The following AHDC1 variants were observed in gnomAD, a reference collection of about 807,000 sequenced individuals.
AHDC1 encodes the protein AT-hook DNA binding motif containing 1.
AHDC1 carries 7 observed loss-of-function variants against 87.9 expected under a neutral mutation model. The observed-to-expected ratio is 0.08, with a 90% CI of 0.05 to 0.15. AHDC1 has a LOEUF of 0.15. Among genes scored for constraint, AHDC1 ranks in the 10% least tolerant of loss-of-function variants. AHDC1 has a pLI of 1.00. For missense variants in AHDC1, 1,841 were observed against 2,253.2 expected, an observed-to-expected ratio of 0.82 and a Z score of 3.70; for synonymous variants, 1,051 against 1,006.8, an observed-to-expected ratio of 1.04 and a Z score of -0.83.
Position 27,549,153 on chromosome 1 carries a change from G to A in AHDC1, c.2963C>T (p.Thr988Ile). Residue 988 changes from threonine to isoleucine, a missense_variant, in exon 8 of 9, where the codon ACA becomes ATA. Transcript: ENST00000673934. ...QSVFAPTKPFTGQDCANSKDC... is the reference protein window; with the variant it reads ...QSVFAPTKPFIGQDCANSKDC... ...CTTGCTGTTAGCGCAGTCCTGGCCT[G>A]TAAAGGGCTTAGTTGGGGCGAATAC... is the stretch of plus-strand genomic sequence containing the variant. 2 of 1,564,748 alleles carry A rather than the reference G, an allele frequency of 1.3e-6. No homozygotes were observed. Among genetic ancestry groups the A allele is most frequent in the Non-Finnish European group, 1.7e-6 (2 of 1,153,550 alleles).
chr1:27,558,583 AAAG>A lies in AHDC1; in HGVS notation c.-450-56_-450-54del. The A allele has an allele frequency of 2.5e-6, 1 of 397,176 alleles. No homozygotes were observed. The highest frequency in any genetic ancestry group is 4.4e-6 in the Non-Finnish European group (1 of 225,746). 24.6% of individuals were successfully genotyped at this position (397,176 alleles called of 1,614,324 possible). ...TTGGGTTAATATGTTTTGATTCTGTAAAGAAGCTCTTTTTGACCTAAGCTGGGA... is the reference window on the plus strand; with the variant it reads ...TTGGGTTAATATGTTTTGATTCTGTAAAGCTCTTTTTGACCTAAGCTGGGA... On this transcript the variant is annotated intron_variant, in intron 4 of 8. Transcript: ENST00000673934. This position sits in a 1 kb window ranked among gnomAD's most constrained non-coding sequence, Gnocchi z 5.6.
intron 5 of AHDC1, among the ~76,000 whole-genome samples, chr1:27,555,204 G>C (rs1206606240): frequency 2.0e-5 from 3 of 152,204 alleles, no homozygotes; most frequent in Admixed American, 6.5e-5. Context: ...CCTAGTCCAG[G>C]GGAATGTGAC....
chr1:27,567,586 G>A (rs1452937080), intron 3 of AHDC1, among the ~76,000 whole-genome samples: 1 of 152,138 alleles, frequency 6.6e-6, no homozygotes, highest in Non-Finnish European at 1.5e-5. Flanking sequence ...TGCTGGCCCA[G>A]CATAATCCCT....
chr1:27,560,100 G>A lies in AHDC1; in HGVS notation c.-628-1217C>T, dbSNP rs561885233. Among the ~76,000 whole-genome samples, 23 of 152,292 alleles carry A rather than the reference G, an allele frequency of 1.5e-4. No homozygotes were observed. Among genetic ancestry groups the A allele is most frequent in the Non-Finnish European group, 5.9e-5 (4 of 68,020 alleles). ...AGTTGTGGCTGCTGTGGTCAGCTGT[G>A]TGTGTGTATGTGTGATGCCAGCTTA... On this transcript the variant is annotated intron_variant, in intron 3 of 8. Transcript: ENST00000673934. The surrounding 1 kb of genome is among the most constrained non-coding windows in gnomAD (Gnocchi z 4.1).
Position 27,547,969 on chromosome 1 carries a change from G to A in AHDC1, c.4147C>T (p.Leu1383=). The part of the protein sequence containing the change: ...PELDGKHFPP[L]AHPPTVFDAG... The stretch of plus-strand genomic sequence containing the variant: ...TCAAACACCGTGGGTGGGTGGGCCA[G>A]CGGTGGGAAATGCTTGCCATCAAGC... The change falls in exon 8 of 9, where the codon CTG becomes TTG. Residue 1383 remains leucine, a synonymous_variant. Transcript: ENST00000673934. This position sits in a 1 kb window ranked among gnomAD's most constrained non-coding sequence, Gnocchi z 4.9. 6.2e-7 allele frequency: 1 copy of A among 1,601,772 alleles called. No individual in the cohort carries two copies. The highest frequency in any genetic ancestry group is 1.1e-5 in the South Asian group (1 of 89,918).
At chr1:27,552,586 G>C (rs974310433) in intron 7 of AHDC1, 1 of 153,654 alleles carries the variant, frequency 6.5e-6, no homozygotes, top group Non-Finnish European at 1.4e-5. Context: ...TAGTAGAGAC[G>C]GGGTTTCACC....
At chr1:27,540,872 G>A (rs1472147961) in intron 8 of AHDC1, among the ~76,000 whole-genome samples, 1 of 151,994 alleles carries the variant, frequency 6.6e-6, no homozygotes, top group African/African-American at 2.4e-5. Context: ...TATAGGCAAG[G>A]AAGGAGGCTG....
In AHDC1 at chr1:27,549,092, G is replaced by A. The variant is rs1181700439; in HGVS notation, c.3024C>T (p.Leu1008=). Residue 1008 remains leucine, a synonymous_variant, in exon 8 of 9, where the codon CTC becomes CTT. Transcript: ENST00000673934. ...CSFAYGSGNS[L]PASPSSAHSA... is the part of the protein sequence containing the mutation. ...TGTGGGCGCTGCTGGGTGAGGCAGG[G>A]AGGCTGTTGCCACTGCCATAGGCGA... The A allele has an allele frequency of 1.3e-6, 2 of 1,555,446 alleles. No homozygotes were observed. The highest frequency in any genetic ancestry group is 1.4e-5 in the African/African-American group (1 of 73,286).
intron 3 of AHDC1, among the ~76,000 whole-genome samples, chr1:27,601,566 C>T (rs2089528707): frequency 6.6e-6 from 1 of 152,160 alleles, no homozygotes; most frequent in African/African-American, 2.4e-5. Flanking sequence ...ATTGACACAG[C>T]AGGAGAAAAA....
In AHDC1 at chr1:27,547,470, G is replaced by T. The variant is rs369828844; in HGVS notation, c.4646C>A (p.Ser1549Tyr). 70 of 1,598,376 alleles carry T rather than the reference G, an allele frequency of 4.4e-5. No homozygotes were observed. Among genetic ancestry groups the T allele is most frequent in the Non-Finnish European group, 5.2e-5 (61 of 1,168,830 alleles). Residue 1549 changes from serine (S) to tyrosine (Y), a missense_variant, in exon 8 of 9, where the codon TCC (serine) becomes TAC (tyrosine). By Grantham distance (144) the Ser-to-Tyr change is moderately radical. Transcript: ENST00000673934. The surrounding 1 kb of genome is among the most constrained non-coding windows in gnomAD (Gnocchi z 4.9). ...GCPLLSDLTL[S>Y]PVPRDSLLPL... ...CAGCAGCGAGTCCCTCGGCACGGGG[G>T]ACAGGGTCAAGTCACTAAGGAGTGG...
At chr1:27,536,641 C>T (rs1480186825) in intron 8 of AHDC1, among the ~76,000 whole-genome samples, 1 of 152,108 alleles carries the variant, frequency 6.6e-6, no homozygotes, top group Non-Finnish European at 1.5e-5. Context: ...AGCCAGAGCG[C>T]TGGGGGCATC....
At chr1:27,569,006 A>G (rs12749647) in intron 3 of AHDC1, among the ~76,000 whole-genome samples, 47,510 of 151,192 alleles carry the variant, frequency 0.31, 12,937 homozygotes, top group African/African-American at 0.73. Context: ...AGCCCCAGAA[A>G]TCGGCCGTAA....
In AHDC1 at chr1:27,558,029, C is replaced by T. The variant is rs1262382982; in HGVS notation, c.-225+276G>A. On this transcript the variant is annotated intron_variant, in intron 5 of 8. Transcript: ENST00000673934. The surrounding 1 kb of genome is among the most constrained non-coding windows in gnomAD (Gnocchi z 5.6). ...AATCCCAGGAGACTCCACCCCCAGA[C>T]CTCAGGCCCCAGGAATGCTCCTTTG... Among the ~76,000 whole-genome samples the T allele has an allele frequency of 6.6e-6, 1 of 152,242 alleles. No homozygotes were observed. Among genetic ancestry groups the T allele is most frequent in the Non-Finnish European group, 1.5e-5 (1 of 68,036 alleles).
Position 27,603,498 on chromosome 1 carries a change from A to C in AHDC1, c.-726-4T>G, listed in dbSNP as rs1483324955. 1.3e-5 allele frequency: 2 copies of C among 152,456 alleles called. No homozygotes were observed. Among genetic ancestry groups the C allele is most frequent in the Non-Finnish European group, 2.9e-5 (2 of 68,268 alleles). 9.4% of individuals were successfully genotyped at this position (152,456 alleles called of 1,614,324 possible). A position where few individuals can be genotyped will look rare whatever the true frequency, so the allele number is the denominator to read the frequency against. On this transcript the variant is annotated splice_polypyrimidine_tract_variant and splice_region_variant and intron_variant, in intron 2 of 8. Coordinates refer to ENST00000673934, the MANE Select transcript of AHDC1 (RefSeq NM_001371928.1). ...CAGCGACGCGGGCGCCCGGCTGCTGAGGAGAGGAGTCGTGGAGGAGCCCTG... is the reference window on the plus strand; with the variant it reads ...CAGCGACGCGGGCGCCCGGCTGCTGCGGAGAGGAGTCGTGGAGGAGCCCTG...
chr1:27,535,896 A>T (rs956129561), intron 8 of AHDC1, among the ~76,000 whole-genome samples: 1 of 152,048 alleles, frequency 6.6e-6, no homozygotes, highest in African/African-American at 2.4e-5. Flanking sequence ...GTGAGTGAGA[A>T]GGTCCCCTGA....
chr1:27,545,093 C>T (rs918593300), intron 8 of AHDC1, among the ~76,000 whole-genome samples: 4 of 150,722 alleles, frequency 2.7e-5, no homozygotes, highest in Non-Finnish European at 5.9e-5. Context: ...CCCCATCATT[C>T]CTCAGGCCTC....
At position 27,551,303 on chromosome 1, in the gene AHDC1, C is replaced by G; in HGVS notation, c.813G>C (p.Pro271=). 1 of 1,611,424 alleles carries G rather than the reference C, an allele frequency of 6.2e-7. No homozygotes were observed. Among genetic ancestry groups the G allele is most frequent in the Non-Finnish European group, 8.5e-7 (1 of 1,179,238 alleles). ...GCTGGGGGTCCAGGAGCTGAGGCTC[C>G]GGCTCGGGCGATGGTGGCTCGAGGG... ...AQALEPPSPE[P]EPQLLDPQPR... is the part of the protein sequence containing the mutation. Residue 271 remains proline, a synonymous_variant, in exon 8 of 9, where the codon CCG becomes CCC. Coordinates refer to ENST00000673934, the MANE Select transcript of AHDC1 (RefSeq NM_001371928.1).
chr1:27,584,690 G>A (rs1162883635), intron 3 of AHDC1, among the ~76,000 whole-genome samples: 2 of 152,026 alleles, frequency 1.3e-5, no homozygotes, highest in Admixed American at 1.3e-4. Flanking sequence ...CCACTGATCT[G>A]CACACTCCTA....
intron 8 of AHDC1, among the ~76,000 whole-genome samples, chr1:27,537,119 G>A (rs530789217): frequency 2.0e-4 from 30 of 152,292 alleles, no homozygotes; most frequent in East Asian, 1.2e-3. Context: ...GGGGAGGGGG[G>A]AAATCAAAGC....
Sources: gnomAD v4.1 joint callset for allele counts (sites outside exome capture counted in the v4.1 genomes callset) on GRCh38, gnomAD v4.1.1 for gene constraint, Gnocchi (gnomAD v3.1) non-coding constraint, MANE v1.5 for transcripts, NCBI Gene and HGNC (gene_info 2026-07-23, HGNC 2026-07-21) for gene names.